Variants in NEK11 observed in about 807,000 individuals in gnomAD.
The protein encoded by NEK11 is NIMA related kinase 11, also known as serine/threonine-protein kinase Nek11.
In NEK11, 72 loss-of-function variants were observed where a neutral mutation model predicts 80.7. That is an observed-to-expected ratio of 0.89 (90% CI 0.74 to 1.08). NEK11 has a LOEUF of 1.08. Ranked by LOEUF, NEK11 falls within the 50% of genes least tolerant of loss-of-function variation. NEK11 has a pLI of 0.00. For missense variants in NEK11, 764 were observed against 763.6 expected, an observed-to-expected ratio of 1.00 and a Z score of -0.01; for synonymous variants, 251 against 260.7, an observed-to-expected ratio of 0.96 and a Z score of 0.36.
intron 14 of NEK11, among the ~76,000 whole-genome samples, chr3:131,219,992 C>T (rs1349264288): frequency 1.3e-5 from 2 of 152,242 alleles, no homozygotes; most frequent in African/African-American, 2.4e-5. Context: ...TGATTGCCAT[C>T]TGACCCTACA....
chr3:131,303,740 C>T (rs1173158180), intron 17 of NEK11, among the ~76,000 whole-genome samples: 2 of 152,114 alleles, frequency 1.3e-5, no homozygotes, highest in Non-Finnish European at 2.9e-5. Flanking sequence ...GATGGGGTTC[C>T]CTTCGTAGGT....
At chr3:131,110,583 A>T (rs184180477) in intron 5 of NEK11, among the ~76,000 whole-genome samples, 20 of 152,330 alleles carry the variant, frequency 1.3e-4, no homozygotes, top group Middle Eastern at 3.4e-3. Flanking sequence ...TTAGAGACCC[A>T]TAAAATGATA....
At chr3:131,338,839 G>A (rs2097239739) in intron 17 of NEK11, among the ~76,000 whole-genome samples, 1 of 152,228 alleles carries the variant, frequency 6.6e-6, no homozygotes, top group Admixed American at 6.5e-5. Context: ...GGGGTGGAGG[G>A]AGGACTTGGT....
intron 9 of NEK11, among the ~76,000 whole-genome samples, chr3:131,153,581 T>G (rs1462649000): frequency 6.6e-6 from 1 of 152,160 alleles, no homozygotes; most frequent in Non-Finnish European, 1.5e-5. Flanking sequence ...ATGCGTAACT[T>G]TAAGAGGAAC....
At chr3:131,039,139 C>G (rs1168238339) in intron 3 of NEK11, among the ~76,000 whole-genome samples, 1 of 152,014 alleles carries the variant, frequency 6.6e-6, no homozygotes, top group Non-Finnish European at 1.5e-5. Flanking sequence ...GCAAAAAATG[C>G]AAGAGCAAAA....
intron 4 of NEK11, among the ~76,000 whole-genome samples, chr3:131,109,035 C>T (rs1363712307): frequency 1.1e-4 from 17 of 151,994 alleles, no homozygotes; most frequent in Admixed American, 1.1e-3. Flanking sequence ...TAATTATATA[C>T]AACTCTAAGT....
intron 5 of NEK11, among the ~76,000 whole-genome samples, chr3:131,123,403 G>A (rs991118300): frequency 5.9e-5 from 9 of 152,104 alleles, no homozygotes; most frequent in African/African-American, 2.2e-4. Flanking sequence ...CTGACCTTGT[G>A]ATCTGCCTGC....
At chr3:131,239,793 T>A (rs1240606062) in intron 15 of NEK11, among the ~76,000 whole-genome samples, 1 of 152,092 alleles carries the variant, frequency 6.6e-6, no homozygotes, top group Non-Finnish European at 1.5e-5. Flanking sequence ...CCAAACTAAG[T>A]TCTTGTGGCA....
chr3:131,226,949 T>G (rs887031999), intron 14 of NEK11, among the ~76,000 whole-genome samples: 2 of 151,048 alleles, frequency 1.3e-5, no homozygotes, highest in Non-Finnish European at 2.9e-5. Context: ...TAATATATAT[T>G]ATTTCAATAT....
At chr3:131,261,976 A>G (rs552557275) in intron 16 of NEK11, among the ~76,000 whole-genome samples, 6 of 152,268 alleles carry the variant, frequency 3.9e-5, no homozygotes, top group Non-Finnish European at 7.4e-5. Flanking sequence ...AAAGAATGGA[A>G]AAACAATAAA....
At chr3:131,097,896 A>T (rs2077700567) in intron 4 of NEK11, among the ~76,000 whole-genome samples, 1 of 144,942 alleles carries the variant, frequency 6.9e-6, no homozygotes, top group Admixed American at 6.9e-5. Flanking sequence ...ACGCTACCTG[A>T]CTTCAAACTA....
At chr3:131,052,125 GTTTT>G (rs2068518722) in intron 3 of NEK11, among the ~76,000 whole-genome samples, 1 of 43,504 alleles carries the variant, frequency 2.3e-5, no homozygotes, top group Non-Finnish European at 6.0e-5. Flanking sequence ...TACACTTCTG[GTTTT>G]TTTTGTTTTT....
At chr3:131,328,152 T>C (rs2097004742) in intron 17 of NEK11, among the ~76,000 whole-genome samples, 1 of 151,784 alleles carries the variant, frequency 6.6e-6, no homozygotes, top group Non-Finnish European at 1.5e-5. Context: ...AGCTGGGTTG[T>C]GGTGGTGTAT....
chr3:131,084,177 A>C (rs528984484), intron 4 of NEK11, among the ~76,000 whole-genome samples: 3 of 152,294 alleles, frequency 2.0e-5, no homozygotes, highest in East Asian at 3.9e-4. Context: ...CAGAATCTTT[A>C]TCTCTCATGG....
chr3:131,212,340 T>C (rs989366464), intron 14 of NEK11, among the ~76,000 whole-genome samples: 2 of 152,196 alleles, frequency 1.3e-5, no homozygotes, highest in Non-Finnish European at 2.9e-5. Context: ...TATTGCTGCC[T>C]GATCCTTCCT....
intron 7 of NEK11, among the ~76,000 whole-genome samples, chr3:131,146,368 T>C (rs2088273853): frequency 6.6e-6 from 1 of 152,172 alleles, no homozygotes; most frequent in Non-Finnish European, 1.5e-5. Context: ...CTAATACCAA[T>C]ACCAACATGA....
At chr3:131,154,342 G>A (rs989658239) in intron 9 of NEK11, among the ~76,000 whole-genome samples, 5 of 152,106 alleles carry the variant, frequency 3.3e-5, no homozygotes, top group African/African-American at 1.2e-4. Context: ...GGCAAGTGAG[G>A]CCCTTGACTC....
chr3:131,119,968 G>A (rs1355579596), intron 5 of NEK11, among the ~76,000 whole-genome samples: 2 of 152,062 alleles, frequency 1.3e-5, no homozygotes, highest in African/African-American at 4.8e-5. Context: ...GGAGCATTTC[G>A]CCCATTTACA....
In NEK11 at chr3:131,350,066, T is replaced by A; in HGVS notation, c.*290T>A. On this transcript the variant is annotated 3_prime_UTR_variant, in exon 18 of 18. Transcript: ENST00000383366. ...GCGCCCTCAGGGCTTCCAGCAGGATTGAGTCACCCTGACGATGACCGGGGA... is the reference window on the plus strand; with the variant it reads ...GCGCCCTCAGGGCTTCCAGCAGGATAGAGTCACCCTGACGATGACCGGGGA... 2.9e-6 allele frequency: 1 copy of A among 345,494 alleles called. No individual in the cohort carries two copies. Among genetic ancestry groups the A allele is most frequent in the Non-Finnish European group, 5.4e-6 (1 of 185,298 alleles). The allele number at this position is 345,494 out of a possible 1,614,324, so 21.4% of individuals were successfully genotyped here.
Sources: allele counts gnomAD v4.1 joint callset (sites outside exome capture counted in the v4.1 genomes callset), GRCh38; gene constraint gnomAD v4.1.1; transcripts MANE v1.5; gene names NCBI Gene and HGNC (gene_info 2026-07-23, HGNC 2026-07-21).